The following MYO3B variants were observed in gnomAD, a reference collection of about 807,000 sequenced individuals.
MYO3B encodes the protein myosin IIIB, also known as myosin-IIIb.
MYO3B carries 156 observed loss-of-function variants against 174.6 expected under a neutral mutation model. That is an observed-to-expected ratio of 0.89 (90% CI 0.78 to 1.02). MYO3B has a LOEUF of 1.02. MYO3B is among the 50% of genes least tolerant of loss of function. MYO3B has a pLI of 0.00. For missense variants in MYO3B, 1,632 were observed against 1,639.4 expected (o/e 1.00, Z 0.08); for synonymous variants, 563 against 569.1 (o/e 0.99, Z 0.15).
intron 32 of MYO3B, among the ~76,000 whole-genome samples, chr2:170,649,068 GTATATTA>G (rs1287493786): frequency 5.5e-5 from 3 of 54,386 alleles, no homozygotes; most frequent in Non-Finnish European, 8.7e-5. Context: ...AATATATAAT[GTATATTA>G]TATATAAAAT....
Position 170,386,071 on chromosome 2 carries a change from T to C in MYO3B, c.1291-118T>C. 3 of 710,438 alleles carry C rather than the reference T, an allele frequency of 4.2e-6. 1 individual carries two copies. The South Asian group carries it at 5.6e-5, about 13-fold the overall frequency. 44.0% of individuals were successfully genotyped at this position (710,438 alleles called of 1,614,324 possible). A position where few individuals can be genotyped will look rare whatever the true frequency, so the allele number is the denominator to read the frequency against. Reference sequence around the variant, plus strand: ...GTCTCTATGTACTGAAATAGGAAGATGCCTAAGATCTATCTCTCAGTGAAA... The same window carrying C: ...GTCTCTATGTACTGAAATAGGAAGACGCCTAAGATCTATCTCTCAGTGAAA... On this transcript the variant is annotated intron_variant, in intron 12 of 34. Coordinates refer to ENST00000408978, the MANE Select transcript of MYO3B (RefSeq NM_138995.5).
chr2:170,380,403 G>A lies in MYO3B; in HGVS notation c.972-1613G>A, dbSNP rs2094326626. 2.0e-5 allele frequency among the ~76,000 whole-genome samples: 3 copies of A among 152,104 alleles called. No individual in the cohort carries two copies. In the South Asian group the frequency reaches 6.2e-4, roughly 32 times the overall value. On this transcript the variant is annotated intron_variant, in intron 9 of 34. Coordinates refer to ENST00000408978, the MANE Select transcript of MYO3B (RefSeq NM_138995.5). ...TATATGTGCTTTCACAGCTACCTGGGAGATAGACAGATCAGTTATGAGTAA... is the reference window on the plus strand; with the variant it reads ...TATATGTGCTTTCACAGCTACCTGGAAGATAGACAGATCAGTTATGAGTAA...
intron 3 of MYO3B, among the ~76,000 whole-genome samples, chr2:170,208,308 C>A (rs1423513676): frequency 6.6e-6 from 1 of 152,140 alleles, no homozygotes; most frequent in Non-Finnish European, 1.5e-5. Flanking sequence ...GAATTGAGTC[C>A]TCCTCCAACA....
chr2:170,294,533 T>TTTA (rs1435649052), intron 7 of MYO3B, among the ~76,000 whole-genome samples: 1 of 152,100 alleles, frequency 6.6e-6, no homozygotes, highest in Non-Finnish European at 1.5e-5. Flanking sequence ...GAATTCAATT[T>TTTA]TATATTATTT....
intron 32 of MYO3B, among the ~76,000 whole-genome samples, chr2:170,575,242 G>A (rs1183082253): frequency 6.6e-6 from 1 of 152,124 alleles, no homozygotes. Context: ...GTATTTAAAT[G>A]TTAGGAAAGA....
chr2:170,422,738 G>A (rs1275649457), intron 22 of MYO3B, among the ~76,000 whole-genome samples: 2 of 152,024 alleles, frequency 1.3e-5, no homozygotes, highest in African/African-American at 2.4e-5. Context: ...TTACAGGTAT[G>A]AGCCACCATA....
chr2:170,497,270 TC>T (rs1375047305), intron 25 of MYO3B, among the ~76,000 whole-genome samples: 1 of 152,136 alleles, frequency 6.6e-6, no homozygotes, highest in East Asian at 1.9e-4. Flanking sequence ...AACTATTTTT[TC>T]GATTCTGTTT....
At chr2:170,358,615 A>T (rs2094139742) in intron 8 of MYO3B, among the ~76,000 whole-genome samples, 1 of 152,220 alleles carries the variant, frequency 6.6e-6, no homozygotes, top group Non-Finnish European at 1.5e-5. Context: ...TATTATAAGA[A>T]TTATTAGCAA....
chr2:170,354,655 G>T (rs897514837), intron 8 of MYO3B, among the ~76,000 whole-genome samples: 1 of 152,140 alleles, frequency 6.6e-6, no homozygotes, highest in African/African-American at 2.4e-5. Flanking sequence ...ACATGTGTTG[G>T]TTGCCTGCAA....
intron 30 of MYO3B, among the ~76,000 whole-genome samples, chr2:170,535,115 T>C (rs567301404): frequency 1.2e-4 from 19 of 152,212 alleles, no homozygotes; most frequent in Non-Finnish European, 2.8e-4. Context: ...CTTTTCTGTT[T>C]CAATTTGTGT....
intron 32 of MYO3B, among the ~76,000 whole-genome samples, chr2:170,624,010 G>A (rs1696171249): frequency 6.6e-6 from 1 of 152,126 alleles, no homozygotes; most frequent in South Asian, 2.1e-4. Context: ...GTAGTGTGAT[G>A]CCTCCAGCTT....
intron 32 of MYO3B, among the ~76,000 whole-genome samples, chr2:170,591,368 G>C (rs1364270223): frequency 6.6e-6 from 1 of 152,132 alleles, no homozygotes; most frequent in African/African-American, 2.4e-5. Flanking sequence ...CATGCTAAAT[G>C]AGTTCAAACT....
intron 32 of MYO3B, among the ~76,000 whole-genome samples, chr2:170,615,978 C>T (rs1335838350): frequency 2.0e-5 from 3 of 152,168 alleles, no homozygotes; most frequent in Admixed American, 2.0e-4. Flanking sequence ...TGTAGAAGTA[C>T]AGTATAGAGA....
chr2:170,400,347 G>C, intron 17 of MYO3B, 33 bp downstream of exon 17: 1 of 1,609,466 alleles, frequency 6.2e-7, no homozygotes. Context: ...CTGTGTTGTT[G>C]CCAAAGCACG....
At chr2:170,281,674 A>G (rs1399969577) in intron 7 of MYO3B, among the ~76,000 whole-genome samples, 1 of 152,188 alleles carries the variant, frequency 6.6e-6, no homozygotes. Flanking sequence ...TAATGTCACA[A>G]CTGAAATAAT....
intron 32 of MYO3B, among the ~76,000 whole-genome samples, chr2:170,569,524 T>TG (rs899941885): frequency 4.6e-5 from 7 of 151,660 alleles, no homozygotes; most frequent in African/African-American, 7.3e-5. Flanking sequence ...CTGAGTTTTT[T>TG]TTTTTTTTTT....
At chr2:170,649,210 TATATA>T (rs139883859) in intron 32 of MYO3B, among the ~76,000 whole-genome samples, 337 of 25,484 alleles carry the variant, frequency 0.013, 14 homozygotes, top group Middle Eastern at 0.025. Context: ...TATAAAATAA[TATATA>T]ATATATTATA....
At chr2:170,269,603 C>T (rs2093412001) in intron 7 of MYO3B, among the ~76,000 whole-genome samples, 1 of 152,116 alleles carries the variant, frequency 6.6e-6, no homozygotes, top group Non-Finnish European at 1.5e-5. Flanking sequence ...TTTAAGAATC[C>T]ATCTATAGGC....
chr2:170,380,180 A>C (rs986106157), intron 9 of MYO3B, among the ~76,000 whole-genome samples: 8 of 152,244 alleles, frequency 5.3e-5, no homozygotes, highest in African/African-American at 9.6e-5. Context: ...CAAAAGTGAC[A>C]GAGAAGAATC....
Sources: allele counts gnomAD v4.1 joint callset (sites outside exome capture counted in the v4.1 genomes callset), GRCh38; gene constraint gnomAD v4.1.1; transcripts MANE v1.5; gene names NCBI Gene and HGNC (gene_info 2026-07-23, HGNC 2026-07-21).